The following CCBE1 variants were observed in gnomAD, a reference collection of about 807,000 sequenced individuals.
CCBE1 encodes the protein collagen and calcium-binding EGF domain-containing protein 1.
In CCBE1, 37 loss-of-function variants were observed where a neutral mutation model predicts 50.0. The ratio of observed to expected loss-of-function variants is 0.74; its 90% CI spans 0.57 to 0.97. The LOEUF (loss-of-function observed/expected upper bound fraction) is 0.97, where lower values mean the gene tolerates loss of function less well. Ranked by LOEUF, CCBE1 falls within the 50% of genes least tolerant of loss-of-function variation. The probability of loss-of-function intolerance (pLI) is 0.00; values close to 1 mark genes in which losing one functional copy is unlikely to be tolerated. For missense variants in CCBE1, 538 were observed against 523.8 expected, an observed-to-expected ratio of 1.03 and a Z score of -0.26; for synonymous variants, 234 against 203.7, an observed-to-expected ratio of 1.15 and a Z score of -1.27.
intron 5 of CCBE1, among the ~76,000 whole-genome samples, chr18:59,458,853 C>G (rs1199195139): frequency 6.6e-6 from 1 of 152,190 alleles, no homozygotes; most frequent in Non-Finnish European, 1.5e-5. Context: ...CACAGTGAAC[C>G]AAGATTAACA....
At chr18:59,673,379 A>T (rs1392908817) in intron 2 of CCBE1, among the ~76,000 whole-genome samples, 4 of 152,214 alleles carry the variant, frequency 2.6e-5, no homozygotes, top group Admixed American at 6.5e-5. Flanking sequence ...TGAACCCAGG[A>T]TGTGGAGGTT....
At chr18:59,591,106 C>A (rs1375063184) in intron 2 of CCBE1, among the ~76,000 whole-genome samples, 1 of 88,090 alleles carries the variant, frequency 1.1e-5, no homozygotes, top group Non-Finnish European at 2.0e-5. Context: ...ATTAGCCGGG[C>A]GTGATGGTGG....
chr18:59,655,731 A>C (rs886991724), intron 2 of CCBE1, among the ~76,000 whole-genome samples: 2 of 152,194 alleles, frequency 1.3e-5, no homozygotes, highest in Admixed American at 6.5e-5. Context: ...AGAACATCCC[A>C]CAAAAGGCAG....
chr18:59,462,136 C>G (rs763252955), intron 5 of CCBE1, among the ~76,000 whole-genome samples: 4 of 152,286 alleles, frequency 2.6e-5, no homozygotes, highest in Admixed American at 1.3e-4. Context: ...ATTATAGTCA[C>G]TTGTAACTGT....
intron 3 of CCBE1, among the ~76,000 whole-genome samples, chr18:59,478,691 G>C (rs1338718133): frequency 1.3e-5 from 2 of 152,170 alleles, no homozygotes; most frequent in Non-Finnish European, 2.9e-5. Context: ...TTTTTAATTA[G>C]GTTGGGCAAG....
chr18:59,449,818 G>A (rs186427039), intron 6 of CCBE1, among the ~76,000 whole-genome samples: 8 of 152,230 alleles, frequency 5.3e-5, no homozygotes, highest in African/African-American at 1.9e-4. Flanking sequence ...ATGGGCTCCA[G>A]AGATGCTCCC....
At chr18:59,479,921 G>A (rs996562589) in intron 3 of CCBE1, among the ~76,000 whole-genome samples, 1 of 152,188 alleles carries the variant, frequency 6.6e-6, no homozygotes, top group Admixed American at 6.5e-5. Context: ...CTAATTGGGG[G>A]ATTATAGCTC....
At chr18:59,449,976 T>C (rs1598909818) in intron 6 of CCBE1, among the ~76,000 whole-genome samples, 1 of 152,134 alleles carries the variant, frequency 6.6e-6, no homozygotes, top group South Asian at 2.1e-4. Context: ...GCAGCAGGAG[T>C]GCAGAATGAA....
intron 2 of CCBE1, among the ~76,000 whole-genome samples, chr18:59,611,309 T>C (rs569148240): frequency 2.7e-4 from 41 of 152,346 alleles, no homozygotes; most frequent in African/African-American, 9.4e-4. Context: ...GGGATGCATA[T>C]GTGTACATAG....
intron 2 of CCBE1, among the ~76,000 whole-genome samples, chr18:59,580,320 T>C (rs2053064464): frequency 6.6e-6 from 1 of 152,230 alleles, no homozygotes; most frequent in Non-Finnish European, 1.5e-5. Flanking sequence ...CTTCAAGTTG[T>C]CCCGCTTTAC....
chr18:59,657,806 G>A (rs2054210935), intron 2 of CCBE1, among the ~76,000 whole-genome samples: 3 of 152,226 alleles, frequency 2.0e-5, no homozygotes, highest in South Asian at 4.1e-4. Context: ...AGGAGAAATC[G>A]CTCGAACCCG....
At chr18:59,546,177 CCAATGAAA>C (rs1336123247) in intron 2 of CCBE1, among the ~76,000 whole-genome samples, 3 of 152,184 alleles carry the variant, frequency 2.0e-5, no homozygotes, top group Non-Finnish European at 4.4e-5. Flanking sequence ...TGTAGATTTT[CCAATGAAA>C]ATAGCCTTTC....
chr18:59,499,752 G>A (rs1030838494), intron 2 of CCBE1, among the ~76,000 whole-genome samples: 8 of 152,296 alleles, frequency 5.3e-5, no homozygotes, highest in African/African-American at 1.4e-4. Context: ...GGTAAGCACT[G>A]TCTTCTCTAG....
At chr18:59,620,272 TG>T (rs1050812534) in intron 2 of CCBE1, among the ~76,000 whole-genome samples, 1 of 152,174 alleles carries the variant, frequency 6.6e-6, no homozygotes, top group African/African-American at 2.4e-5. Context: ...GAGATTACCC[TG>T]GCTAAACAAG....
Position 59,593,810 on chromosome 18 carries a change from G to A in CCBE1, c.212+102819C>T, listed in dbSNP as rs182323056. Among the ~76,000 whole-genome samples, 363 of 152,332 alleles carry A rather than the reference G, an allele frequency of 2.4e-3. 5 individuals carry two copies. The highest frequency in any genetic ancestry group is 4.4e-4 in the Non-Finnish European group (30 of 68,026). ...ATAAATTGTAACTGATTAAGTCTGGGACATGAGTTGACAACCCATTGGTCA... is the reference window on the plus strand; with the variant it reads ...ATAAATTGTAACTGATTAAGTCTGGAACATGAGTTGACAACCCATTGGTCA... On this transcript the variant is annotated intron_variant, in intron 2 of 10. Transcript: ENST00000439986.
At chr18:59,648,962 T>C (rs184765205) in intron 2 of CCBE1, among the ~76,000 whole-genome samples, 29 of 152,346 alleles carry the variant, frequency 1.9e-4, no homozygotes, top group Middle Eastern at 6.8e-3. Context: ...CAGCTGATAA[T>C]GCATACATCT....
At chr18:59,479,856 G>C (rs1003867041) in intron 3 of CCBE1, among the ~76,000 whole-genome samples, 5 of 152,238 alleles carry the variant, frequency 3.3e-5, no homozygotes, top group African/African-American at 7.2e-5. Flanking sequence ...AAAGCAGGTA[G>C]AGAGGTCAAG....
chr18:59,625,409 C>A (rs576308752), intron 2 of CCBE1, among the ~76,000 whole-genome samples: 1 of 128,900 alleles, frequency 7.8e-6, no homozygotes, highest in Non-Finnish European at 1.5e-5. Flanking sequence ...CCAGCCTGGG[C>A]TACAGAGTGA....
At chr18:59,450,726 G>A (rs991725378) in intron 6 of CCBE1, among the ~76,000 whole-genome samples, 3 of 152,142 alleles carry the variant, frequency 2.0e-5, no homozygotes, top group Admixed American at 1.3e-4. Flanking sequence ...GTAGAGATGG[G>A]GTTTCACTAT....
Sources: allele counts gnomAD v4.1 joint callset (sites outside exome capture counted in the v4.1 genomes callset), GRCh38; gene constraint gnomAD v4.1.1; transcripts MANE v1.5; gene names NCBI Gene and HGNC (gene_info 2026-07-23, HGNC 2026-07-21).